Variants in ERICH6B observed in about 807,000 individuals in gnomAD.
ERICH6B encodes the protein glutamate-rich protein 6B.
A neutral mutation model predicts 80.0 loss-of-function variants in ERICH6B; 69 were observed. The observed-to-expected ratio is 0.86, with a 90% confidence interval of 0.71 to 1.05. ERICH6B has a LOEUF of 1.05. ERICH6B is among the 50% of genes least tolerant of loss of function. The pLI is 0.00. For missense variants in ERICH6B, 754 were observed against 796.1 expected (o/e 0.95, Z 0.64); for synonymous variants, 283 against 291.9 (o/e 0.97, Z 0.31).
intron 2 of ERICH6B, among the ~76,000 whole-genome samples, chr13:45,602,076 T>C (rs989197752): frequency 6.6e-6 from 1 of 152,132 alleles, no homozygotes; most frequent in Non-Finnish European, 1.5e-5. Flanking sequence ...AAAAAGAGAT[T>C]TGCTTTCCAA....
At chr13:45,580,514 G>T in intron 6 of ERICH6B, 89 bp downstream of exon 6, 2 of 1,369,006 alleles carry the variant, frequency 1.5e-6, no homozygotes, top group Non-Finnish European at 2.0e-6. Context: ...GCTCTCCTTG[G>T]CTGGGGGCAG....
intron 1 of ERICH6B, among the ~76,000 whole-genome samples, chr13:45,614,914 G>A (rs1224922813): frequency 6.6e-6 from 1 of 152,238 alleles, no homozygotes; most frequent in Non-Finnish European, 1.5e-5. Flanking sequence ...ATTAAAACAT[G>A]CCAGGGGGCA....
At chr13:45,589,405 T>C (rs1876064677) in intron 4 of ERICH6B, among the ~76,000 whole-genome samples, 1 of 152,220 alleles carries the variant, frequency 6.6e-6, no homozygotes, top group South Asian at 2.1e-4. Context: ...TGCTAAGTTT[T>C]CTACCTGGCG....
chr13:45,574,908 C>G lies in ERICH6B; in HGVS notation c.984G>C (p.Glu328Asp). The change falls in exon 8 of 15, where the codon GAG (glutamate) becomes GAC (aspartate). Residue 328 changes from glutamate (E) to aspartate (D), a missense_variant. Glu to Asp is a conservative substitution (Grantham distance 45). Transcript: ENST00000298738. ...EENVLEFASKENFWDGITDES... is the reference protein window; with the variant it reads ...EENVLEFASKDNFWDGITDES... ...CATCTGTTATACCATCCCAAAAGTT[C>G]TCTTTAGAAGCAAACTCCAGGACTT... 2 of 1,551,420 alleles carry G rather than the reference C, an allele frequency of 1.3e-6. No homozygotes were observed. The highest frequency in any genetic ancestry group is 1.7e-6 in the Non-Finnish European group (2 of 1,146,916).
In ERICH6B at chr13:45,541,560, C is replaced by T. The variant is rs369694920; in HGVS notation, c.1993G>A (p.Ala665Thr). 55 of 1,551,800 alleles carry T rather than the reference C, an allele frequency of 3.5e-5. No homozygotes were observed. Among genetic ancestry groups the T allele is most frequent in the South Asian group, 2.3e-4 (19 of 84,042 alleles). ...AAGTTTTCCAGATCAGGGGTGGTCG[C>T]GTAATTCAGGAGCCTATTCATTTTC... ...LGKMNRLLNYATTPDLENFIE... is the reference protein window; with the variant it reads ...LGKMNRLLNYTTTPDLENFIE... Residue 665 changes from alanine to threonine, a missense_variant, in exon 15 of 15, where the codon GCG (alanine) becomes ACG (threonine). Physicochemically the swap from Ala to Thr is moderately conservative, Grantham distance 58. Coordinates refer to ENST00000298738, the MANE Select transcript of ERICH6B (RefSeq NM_182542.3).
In ERICH6B at chr13:45,569,326, A is replaced by C. The variant is rs546048140; in HGVS notation, c.1051-875T>G. Among the ~76,000 whole-genome samples the C allele has an allele frequency of 1.4e-4, 22 of 152,302 alleles. 1 individual carries two copies. In the South Asian group the frequency reaches 4.4e-3, roughly 30 times the overall value. On this transcript the variant is annotated intron_variant, in intron 8 of 14. Coordinates refer to ENST00000298738, the MANE Select transcript of ERICH6B (RefSeq NM_182542.3). ...TCTTTAGTAGAGATGGGATTTCACC[A>C]TGTTGGCCAGGCTGGTCTTGAACTC...
In ERICH6B at chr13:45,590,668, T is replaced by C; in HGVS notation, c.667A>G (p.Met223Val). 5 of 1,551,596 alleles carry C rather than the reference T, an allele frequency of 3.2e-6. No homozygotes were observed. In the South Asian group the frequency reaches 3.6e-5, roughly 11 times the overall value. Residue 223 changes from methionine to valine, a missense_variant, in exon 4 of 15, where the codon ATG (methionine) becomes GTG (valine). Physicochemically the swap from Met to Val is conservative, Grantham distance 21 (BLOSUM62 1). Coordinates refer to ENST00000298738, the MANE Select transcript of ERICH6B (RefSeq NM_182542.3). ...EPKASYSSQT[M>V]LLRDARSPDA... The stretch of plus-strand genomic sequence containing the variant: ...TGTTACCTTGCATCACGAAGAAGCA[T>C]GGTTTGTGATGAATAACTTGCCTTG...
intron 11 of ERICH6B, among the ~76,000 whole-genome samples, chr13:45,559,342 T>C (rs1874571268): frequency 1.3e-5 from 2 of 152,136 alleles, no homozygotes; most frequent in Non-Finnish European, 2.9e-5. Flanking sequence ...TATTTATCTT[T>C]TCAAAGAACC....
At chr13:45,552,367 C>CAGCACACA (rs1874256373) in intron 11 of ERICH6B, among the ~76,000 whole-genome samples, 1 of 152,092 alleles carries the variant, frequency 6.6e-6, no homozygotes, top group Non-Finnish European at 1.5e-5. Context: ...AGCACACACA[C>CAGCACACA]CTGGCTCAGA....
intron 2 of ERICH6B, among the ~76,000 whole-genome samples, chr13:45,599,523 A>T (rs1051187962): frequency 6.6e-6 from 1 of 152,232 alleles, no homozygotes; most frequent in African/African-American, 2.4e-5. Flanking sequence ...ACACAGAAAC[A>T]GAGCAAACAA....
intron 13 of ERICH6B, among the ~76,000 whole-genome samples, chr13:45,547,131 A>T (rs985595350): frequency 6.6e-6 from 1 of 152,208 alleles, no homozygotes; most frequent in Non-Finnish European, 1.5e-5. Context: ...CTATGCCTCC[A>T]TTTCCTCAAC....
At chr13:45,590,923 G>A (rs1392411267) in intron 3 of ERICH6B, among the ~76,000 whole-genome samples, 1 of 152,178 alleles carries the variant, frequency 6.6e-6, no homozygotes, top group African/African-American at 2.4e-5. Context: ...CATGGATTTT[G>A]GAAATTCGAG....
intron 11 of ERICH6B, among the ~76,000 whole-genome samples, chr13:45,559,354 AC>A (rs1399418405): frequency 6.6e-6 from 1 of 151,778 alleles, no homozygotes. Context: ...CAAAGAACCA[AC>A]TTTTTGTTTC....
intron 2 of ERICH6B, among the ~76,000 whole-genome samples, chr13:45,598,428 G>C (rs948820688): frequency 3.3e-5 from 5 of 152,166 alleles, no homozygotes; most frequent in African/African-American, 9.7e-5. Context: ...ACAGACTGAA[G>C]AGGCAACCGG....
At chr13:45,570,987 C>A (rs557791330) in intron 8 of ERICH6B, among the ~76,000 whole-genome samples, 2 of 152,360 alleles carry the variant, frequency 1.3e-5, no homozygotes, top group African/African-American at 4.8e-5. Flanking sequence ...TTCCGTGTGG[C>A]ATTCACTCCA....
At chr13:45,601,932 A>G (rs1438303858) in intron 2 of ERICH6B, among the ~76,000 whole-genome samples, 1 of 152,212 alleles carries the variant, frequency 6.6e-6, no homozygotes, top group Non-Finnish European at 1.5e-5. Flanking sequence ...AGGCATAAGG[A>G]GTGTCAGGCA....
intron 9 of ERICH6B, among the ~76,000 whole-genome samples, chr13:45,564,708 T>A (rs981330613): frequency 2.6e-5 from 4 of 152,234 alleles, no homozygotes; most frequent in African/African-American, 9.6e-5. Flanking sequence ...CAAGGACTTT[T>A]AATGGAATTG....
chr13:45,605,351 C>T (rs1355662390), intron 2 of ERICH6B, among the ~76,000 whole-genome samples: 1 of 152,226 alleles, frequency 6.6e-6, no homozygotes, highest in African/African-American at 2.4e-5. Flanking sequence ...GGAAAAGGTT[C>T]TTCTGTTTCC....
chr13:45,563,631 C>T (rs1263870039), intron 10 of ERICH6B, 96 bp downstream of exon 10: 1 of 1,164,812 alleles, frequency 8.6e-7, no homozygotes, highest in Non-Finnish European at 1.3e-6. Flanking sequence ...TGAATGAGCC[C>T]TTCCACCTTC....
Sources: allele counts gnomAD v4.1 joint callset (sites outside exome capture counted in the v4.1 genomes callset), GRCh38; gene constraint gnomAD v4.1.1; transcripts MANE v1.5; gene names NCBI Gene and HGNC (gene_info 2026-07-23, HGNC 2026-07-21).